Variants in NARS2 observed in about 807,000 individuals in gnomAD.
NARS2 encodes the protein asparaginyl-tRNA synthetase 2, mitochondrial.
A neutral mutation model predicts 62.9 loss-of-function variants in NARS2; 60 were observed. The ratio of observed to expected loss-of-function variants is 0.95; its 90% CI spans 0.77 to 1.18. NARS2 has a LOEUF of 1.18. NARS2 is among the 50% of genes most tolerant of loss of function. NARS2 has a pLI of 0.00. For missense variants in NARS2, 619 were observed against 576.4 expected (o/e 1.07, Z -0.76); for synonymous variants, 196 against 200.0 (o/e 0.98, Z 0.17).
intron 11 of NARS2, among the ~76,000 whole-genome samples, chr11:78,448,471 A>G (rs1230119236): frequency 6.6e-6 from 1 of 151,970 alleles, no homozygotes; most frequent in Non-Finnish European, 1.5e-5. Flanking sequence ...TTGTATTTTT[A>G]GTAGAGACGG....
chr11:78,466,499 G>C (rs185776090), intron 10 of NARS2, among the ~76,000 whole-genome samples: 1,616 of 151,332 alleles, frequency 0.011, 26 homozygotes, highest in African/African-American at 0.037. Context: ...TGTTTTTTTT[G>C]AGACAGAGTC....
intron 6 of NARS2, among the ~76,000 whole-genome samples, chr11:78,510,606 A>G (rs1015713086): frequency 1.3e-5 from 2 of 152,214 alleles, no homozygotes; most frequent in Admixed American, 6.5e-5. Flanking sequence ...CAGATCTAAC[A>G]AACATATACA....
intron 6 of NARS2, among the ~76,000 whole-genome samples, chr11:78,498,784 G>C (rs1044156556): frequency 4.0e-5 from 6 of 148,708 alleles, no homozygotes; most frequent in African/African-American, 1.5e-4. Flanking sequence ...TACATCAATC[G>C]ATGTGATTAT....
chr11:78,538,994 CAAAAAAAAAAAAAAAAAAAA>C (rs59917269), intron 5 of NARS2, among the ~76,000 whole-genome samples: 1 of 49,764 alleles, frequency 2.0e-5, no homozygotes, highest in African/African-American at 9.0e-5. Context: ...GAATCCGTCT[CAAAAAAAAAAAAAAAAAAAA>C]AAAAAAAAAA....
chr11:78,489,165 A>C (rs1353995610), intron 7 of NARS2, among the ~76,000 whole-genome samples: 1 of 152,220 alleles, frequency 6.6e-6, no homozygotes, highest in Admixed American at 6.5e-5. Context: ...CAAGCTACTT[A>C]TTAGGAGAAC....
At chr11:78,456,559 C>A (rs1352058701) in intron 11 of NARS2, among the ~76,000 whole-genome samples, 1 of 152,170 alleles carries the variant, frequency 6.6e-6, no homozygotes, top group Admixed American at 6.5e-5. Context: ...TTATTGCACA[C>A]CCCTTGGCTG....
intron 11 of NARS2, among the ~76,000 whole-genome samples, chr11:78,445,445 A>AC (rs1857724852): frequency 6.6e-6 from 1 of 152,040 alleles, no homozygotes; most frequent in Non-Finnish European, 1.5e-5. Flanking sequence ...ACCTAGTGAA[A>AC]CCCCCTCTCT....
At chr11:78,521,789 C>CA (rs58282524) in intron 6 of NARS2, among the ~76,000 whole-genome samples, 67,853 of 96,324 alleles carry the variant, frequency 0.7, 24,811 homozygotes, top group Non-Finnish European at 0.82. Flanking sequence ...GACTCCGTCT[C>CA]AAAAAAAAAA....
At chr11:78,571,855 A>T (rs963335611) in intron 1 of NARS2, among the ~76,000 whole-genome samples, 1 of 152,046 alleles carries the variant, frequency 6.6e-6, no homozygotes, top group African/African-American at 2.4e-5. Context: ...GTTTCATCTC[A>T]CTGCGCTGCC....
intron 5 of NARS2, among the ~76,000 whole-genome samples, chr11:78,530,756 C>T (rs1251567370): frequency 6.6e-6 from 1 of 152,184 alleles, no homozygotes. Flanking sequence ...CATGAGCCAC[C>T]GTGCCCGGCC....
At chr11:78,503,198 T>C (rs574201146) in intron 6 of NARS2, among the ~76,000 whole-genome samples, 16 of 152,104 alleles carry the variant, frequency 1.1e-4, no homozygotes, top group African/African-American at 3.6e-4. Flanking sequence ...CAGGGCCCAC[T>C]TACTGTACTG....
At chr11:78,485,576 C>T (rs778462545) in intron 7 of NARS2, among the ~76,000 whole-genome samples, 22 of 152,060 alleles carry the variant, frequency 1.4e-4, no homozygotes, top group Non-Finnish European at 2.2e-4. Context: ...GGGGATAAAA[C>T]GTTGTTGATC....
chr11:78,461,783 CA>C lies in NARS2; in HGVS notation c.1164+4092del, dbSNP rs56753439. Among the ~76,000 whole-genome samples the C allele has an allele frequency of 4.4e-3, 408 of 93,116 alleles. 1 individual carries two copies. Among genetic ancestry groups the C allele is most frequent in the Non-Finnish European group, 7.3e-3 (285 of 39,026 alleles). 61.1% of individuals were successfully genotyped at this position (93,116 alleles called of 152,430 possible). A position where few individuals can be genotyped will look rare whatever the true frequency, so the allele number is the denominator to read the frequency against. The stretch of plus-strand genomic sequence containing the variant: ...ACACTGTGAAATCCCGTACCCACTA[CA>C]AAAAAAAAAAAAAAAAAAATTAGCC... On this transcript the variant is annotated intron_variant, in intron 11 of 13. Transcript: ENST00000281038.
At chr11:78,531,422 T>C (rs751308908) in intron 5 of NARS2, among the ~76,000 whole-genome samples, 15 of 152,052 alleles carry the variant, frequency 9.9e-5, no homozygotes, top group Non-Finnish European at 1.6e-4. Context: ...CAATAAGGGG[T>C]TGCGGTTACT....
chr11:78,475,978 G>A (rs1043675262), intron 9 of NARS2, among the ~76,000 whole-genome samples: 1 of 152,146 alleles, frequency 6.6e-6, no homozygotes, highest in Non-Finnish European at 1.5e-5. Flanking sequence ...TTATTGATTA[G>A]TGATGTTGGA....
intron 9 of NARS2, among the ~76,000 whole-genome samples, chr11:78,472,855 C>T (rs1423101467): frequency 6.6e-6 from 1 of 152,206 alleles, no homozygotes; most frequent in African/African-American, 2.4e-5. Flanking sequence ...AAAGGTGATG[C>T]CAAAGTGGTA....
intron 5 of NARS2, among the ~76,000 whole-genome samples, chr11:78,550,129 A>T (rs1406928769): frequency 6.6e-6 from 1 of 152,210 alleles, no homozygotes; most frequent in Non-Finnish European, 1.5e-5. Flanking sequence ...CATCAAACTG[A>T]AACTGAGTTA....
chr11:78,469,449 A>G, intron 9 of NARS2, 136 bp from the exon 10 acceptor site: 1 of 636,678 alleles, frequency 1.6e-6, no homozygotes, highest in South Asian at 1.9e-5. Context: ...GGCTGATCTA[A>G]TCCTATGAAA....
At chr11:78,497,295 A>C (rs182171297) in intron 6 of NARS2, among the ~76,000 whole-genome samples, 1 of 147,500 alleles carries the variant, frequency 6.8e-6, no homozygotes, top group African/African-American at 2.5e-5. Context: ...CCGTGTATGG[A>C]GTTTTATGAA....
Sources: gnomAD v4.1 joint callset for allele counts (sites outside exome capture counted in the v4.1 genomes callset) on GRCh38, gnomAD v4.1.1 for gene constraint, MANE v1.5 for transcripts, NCBI Gene and HGNC (gene_info 2026-07-23, HGNC 2026-07-21) for gene names.